Variants in GRID2 observed in about 807,000 individuals in gnomAD.
GRID2 encodes glutamate receptor ionotropic, delta-2.
A neutral mutation model predicts 114.8 loss-of-function variants in GRID2; 33 were observed. The ratio of observed to expected loss-of-function variants is 0.29; its 90% confidence interval spans 0.22 to 0.38. The LOEUF (loss-of-function observed/expected upper bound fraction) is 0.38, where lower values mean the gene tolerates loss of function less well. Ranked by LOEUF, GRID2 falls within the 10% of genes least tolerant of loss-of-function variation. The pLI is 1.00. For synonymous variants in GRID2, 505 were observed against 449.9 expected (o/e 1.12, Z -1.55); for missense variants, 1,184 against 1,257.7 (o/e 0.94, Z 0.89).
chr4:92,676,488 T>C (rs1733379691), intron 2 of GRID2, among the ~76,000 whole-genome samples: 2 of 152,116 alleles, frequency 1.3e-5, no homozygotes, highest in Non-Finnish European at 2.9e-5. Flanking sequence ...CTGAGCCTCT[T>C]TTAACCTGTA....
At chr4:93,109,709 G>GAA (rs1732586072) in intron 3 of GRID2, among the ~76,000 whole-genome samples, 1 of 151,950 alleles carries the variant, frequency 6.6e-6, no homozygotes, top group Non-Finnish European at 1.5e-5. Context: ...GATATATAAT[G>GAA]AAAAATATAG....
At chr4:92,719,941 C>T (rs1467166386) in intron 2 of GRID2, among the ~76,000 whole-genome samples, 1 of 151,900 alleles carries the variant, frequency 6.6e-6, no homozygotes, top group Non-Finnish European at 1.5e-5. Context: ...TAAGATAATA[C>T]GGTTTTATTA....
At chr4:93,565,654 A>G (rs887573106) in intron 13 of GRID2, among the ~76,000 whole-genome samples, 2 of 152,240 alleles carry the variant, frequency 1.3e-5, no homozygotes, top group Non-Finnish European at 2.9e-5. Flanking sequence ...CATAAAAAGT[A>G]TGGTTCACAT....
intron 2 of GRID2, among the ~76,000 whole-genome samples, chr4:92,961,817 A>T (rs1752837835): frequency 6.7e-6 from 1 of 150,302 alleles, no homozygotes; most frequent in Non-Finnish European, 1.5e-5. Flanking sequence ...CACTATTTGC[A>T]GTTTTCTCAC....
intron 3 of GRID2, among the ~76,000 whole-genome samples, chr4:93,085,719 T>C (rs2149322754): frequency 6.6e-6 from 1 of 152,302 alleles, no homozygotes; most frequent in Middle Eastern, 3.4e-3. Context: ...CTGAAAAATC[T>C]TGCTTACACC....
At chr4:93,338,020 T>C (rs1190041183) in intron 8 of GRID2, among the ~76,000 whole-genome samples, 1 of 152,202 alleles carries the variant, frequency 6.6e-6, no homozygotes, top group African/African-American at 2.4e-5. Flanking sequence ...AATGTGCTGG[T>C]AAATTAACAG....
intron 2 of GRID2, among the ~76,000 whole-genome samples, chr4:92,976,356 G>T (rs1753869080): frequency 6.6e-6 from 1 of 151,998 alleles, no homozygotes; most frequent in Non-Finnish European, 1.5e-5. Flanking sequence ...TCTCATGCAT[G>T]TCTGTTGTAC....
intron 2 of GRID2, among the ~76,000 whole-genome samples, chr4:92,808,472 A>G (rs1740519029): frequency 6.6e-6 from 1 of 152,122 alleles, no homozygotes; most frequent in East Asian, 1.9e-4. Context: ...GAATTATTTT[A>G]GATTAGAAAT....
chr4:92,972,152 A>C (rs1372154663), intron 2 of GRID2, among the ~76,000 whole-genome samples: 1 of 149,788 alleles, frequency 6.7e-6, no homozygotes, highest in Non-Finnish European at 1.5e-5. Flanking sequence ...ACTAATTTAC[A>C]TTCTTGTCAA....
At chr4:93,736,081 G>T (rs909150047) in intron 14 of GRID2, among the ~76,000 whole-genome samples, 4 of 152,006 alleles carry the variant, frequency 2.6e-5, no homozygotes, top group African/African-American at 2.4e-5. Context: ...CAACAAAAAA[G>T]GTGAAAGGCA....
chr4:93,218,523 T>G (rs957495243), intron 6 of GRID2, among the ~76,000 whole-genome samples: 7 of 152,022 alleles, frequency 4.6e-5, no homozygotes, highest in Non-Finnish European at 1.0e-4. Context: ...AATAAATAGA[T>G]ATGTCCCTTC....
intron 8 of GRID2, among the ~76,000 whole-genome samples, chr4:93,265,411 T>C (rs908152750): frequency 6.6e-6 from 1 of 152,162 alleles, no homozygotes; most frequent in African/African-American, 2.4e-5. Flanking sequence ...CCTTATCAAA[T>C]GAGTGGAAAA....
chr4:93,550,089 T>C (rs1733618678), intron 13 of GRID2, among the ~76,000 whole-genome samples: 1 of 152,016 alleles, frequency 6.6e-6, no homozygotes, highest in Non-Finnish European at 1.5e-5. Context: ...CTCTTTCTGA[T>C]ATTTTTATTA....
Position 93,238,504 on chromosome 4 carries a change from C to A in GRID2, c.1245+14C>A. 6.2e-7 allele frequency: 1 copy of A among 1,604,010 alleles called. No homozygotes were observed. The highest frequency in any genetic ancestry group is 8.5e-7 in the Non-Finnish European group (1 of 1,172,380). On this transcript the variant is annotated intron_variant, in intron 8 of 15. Transcript: ENST00000282020. ...GGTGTTCGAAAAGTAAGACAAGACA[C>A]ACTGATTAATACGCTTTTTCCTATA... is the stretch of plus-strand genomic sequence containing the variant.
intron 2 of GRID2, among the ~76,000 whole-genome samples, chr4:92,729,945 C>T (rs1321171678): frequency 1.3e-5 from 2 of 151,874 alleles, no homozygotes; most frequent in East Asian, 1.9e-4. Context: ...AAGCCTCTTA[C>T]TCTTAAGAGC....
chr4:93,046,774 T>TAA (rs1726178526), intron 2 of GRID2, among the ~76,000 whole-genome samples: 1 of 151,998 alleles, frequency 6.6e-6, no homozygotes, highest in African/African-American at 2.4e-5. Context: ...TTTGCTTTTA[T>TAA]GCCTTATGTC....
intron 1 of GRID2, among the ~76,000 whole-genome samples, chr4:92,581,199 T>C (rs1378915852): frequency 1.1e-4 from 14 of 127,922 alleles, no homozygotes; most frequent in East Asian, 2.1e-4. Flanking sequence ...CCCCCCACCC[T>C]TTTTTTTTTT....
At chr4:93,798,579 CAT>C (rs1166607853) in intron 1 of GRID2, among the ~76,000 whole-genome samples, 2 of 152,168 alleles carry the variant, frequency 1.3e-5, no homozygotes, top group African/African-American at 4.8e-5. Context: ...TTATGCACAT[CAT>C]ATTAAATACA....
intron 4 of GRID2, among the ~76,000 whole-genome samples, chr4:93,173,733 GATCCTCCAACCTC>G (rs984316918): frequency 3.3e-5 from 5 of 152,070 alleles, no homozygotes; most frequent in African/African-American, 4.8e-5. Flanking sequence ...GGTCTCAAGT[GATCCTCCAACCTC>G]ATCCTCCCAA....
Sources: gnomAD v4.1 joint callset for allele counts (sites outside exome capture counted in the v4.1 genomes callset) on GRCh38, gnomAD v4.1.1 for gene constraint, MANE v1.5 for transcripts, NCBI Gene and HGNC (gene_info 2026-07-23, HGNC 2026-07-21) for gene names.